The following JHY variants were observed in gnomAD, a reference collection of about 807,000 sequenced individuals.
JHY encodes jhy protein homolog.
In JHY, 69 loss-of-function variants were observed where a neutral mutation model predicts 78.0. The observed-to-expected ratio is 0.88, with a 90% CI of 0.73 to 1.08. The LOEUF is 1.08. Ranked by LOEUF, JHY falls within the 50% of genes least tolerant of loss-of-function variation. The pLI is 0.00. For synonymous variants in JHY, 368 were observed against 342.6 expected (o/e 1.07, Z -0.82); for missense variants, 944 against 927.8 (o/e 1.02, Z -0.23).
At chr11:122,934,019 G>A (rs1263289653) in intron 4 of JHY, among the ~76,000 whole-genome samples, 2 of 151,984 alleles carry the variant, frequency 1.3e-5, no homozygotes, top group African/African-American at 4.8e-5. Context: ...TTAATATAAA[G>A]CCCATTCTAA....
chr11:122,937,416 CAGACTTTGT>C lies in JHY; in HGVS notation c.1634+2346_1634+2354del, dbSNP rs1345432049. On this transcript the variant is annotated intron_variant, in intron 5 of 8. Transcript: ENST00000227349. The stretch of plus-strand genomic sequence containing the variant: ...TCAATTCTTCTCTCTTTCTTGGAGC[CAGACTTTGT>C]AGACACCTTTACTTTCTTTCTCTTT... 3.0e-4 allele frequency among the ~76,000 whole-genome samples: 46 copies of C among 152,234 alleles called. No individual in the cohort carries two copies. In the East Asian group the frequency reaches 8.7e-3, roughly 29 times the overall value.
At chr11:122,944,087 A>C (rs1187149771) in intron 5 of JHY, among the ~76,000 whole-genome samples, 1 of 152,086 alleles carries the variant, frequency 6.6e-6, no homozygotes, top group Non-Finnish European at 1.5e-5. Flanking sequence ...GTCACAACTA[A>C]TCAGGAGGCT....
rs1043075401 is a variant in JHY at position 122,905,530 on chromosome 11, A to C, written c.864+1086A>C. The C allele has an allele frequency of 2.7e-6, 3 of 1,107,520 alleles. No individual in the cohort carries two copies. In the African/African-American group the frequency reaches 4.9e-5, roughly 18 times the overall value. 68.6% of individuals were successfully genotyped at this position (1,107,520 alleles called of 1,614,324 possible). A position where few individuals can be genotyped will look rare whatever the true frequency, so the allele number is the denominator to read the frequency against. On this transcript the variant is annotated intron_variant, in intron 3 of 8. Transcript: ENST00000227349. ...TAATGGAACAAAATAGATGAGGTGG[A>C]TGAACATTTGTGGCTTTTCTTCAGA...
chr11:122,896,711 C>T (rs1444759838), intron 2 of JHY, among the ~76,000 whole-genome samples: 8 of 152,182 alleles, frequency 5.3e-5, no homozygotes, highest in Non-Finnish European at 7.3e-5. Context: ...TACACAACAA[C>T]GGTGTTATGT....
intron 8 of JHY, 141 bp downstream of exon 8, chr11:122,957,632 C>G: frequency 1.2e-6 from 1 of 853,096 alleles, no homozygotes; most frequent in Non-Finnish European, 1.6e-6. Context: ...TGGGCTCAAG[C>G]TATCCTCCAA....
In JHY at chr11:122,935,202, C is replaced by A. The variant is rs4502006; in HGVS notation, c.1634+127C>A. 0.35 allele frequency: 278,888 copies of A among 792,036 alleles called. 52,704 individuals carry two copies. Among genetic ancestry groups the A allele is most frequent in the Non-Finnish European group, 0.39 (206,245 of 527,294 alleles). 49.1% of individuals were successfully genotyped at this position (792,036 alleles called of 1,614,324 possible). ...TAGGTGAGAAGAAGAGTTCACCTAA[C>A]AACTTCCTTAGCTCTGATTCCTGCC... On this transcript the variant is annotated intron_variant, in intron 5 of 8. Transcript: ENST00000227349. The surrounding 1 kb of genome is among the most constrained non-coding windows in gnomAD (Gnocchi z 4.5).
Position 122,896,342 on chromosome 11 carries a change from CAAAAAA to C in JHY, c.345-7565_345-7560del, listed in dbSNP as rs11370911. 3.8e-3 allele frequency among the ~76,000 whole-genome samples: 282 copies of C among 73,416 alleles called. 5 individuals carry two copies. The highest frequency in any genetic ancestry group is 6.3e-3 in the Admixed American group (34 of 5,386). 48.2% of individuals were successfully genotyped at this position (73,416 alleles called of 152,430 possible). Reference sequence around the variant, plus strand: ...TGGGCGACAGAGGAAGACTCTGTCTCAAAAAAAAAAAAAAAAAAAAAAAGGAAATTT... The same window carrying C: ...TGGGCGACAGAGGAAGACTCTGTCTCAAAAAAAAAAAAAAAAAGGAAATTT... On this transcript the variant is annotated intron_variant, in intron 2 of 8. Coordinates refer to ENST00000227349, the MANE Select transcript of JHY (RefSeq NM_024806.4).
At chr11:122,956,994 T>C (rs923300015) in intron 7 of JHY, among the ~76,000 whole-genome samples, 23 of 152,132 alleles carry the variant, frequency 1.5e-4, no homozygotes, top group African/African-American at 4.3e-4. Context: ...TGAAAGGAGA[T>C]CTTCATTTAA....
At chr11:122,891,101 A>G (rs976090751) in intron 2 of JHY, among the ~76,000 whole-genome samples, 1 of 152,230 alleles carries the variant, frequency 6.6e-6, no homozygotes, top group Non-Finnish European at 1.5e-5. Flanking sequence ...GACTCTCAAT[A>G]TGAAATTCAA....
intron 2 of JHY, among the ~76,000 whole-genome samples, chr11:122,889,615 G>A (rs1433481110): frequency 6.6e-6 from 1 of 152,128 alleles, no homozygotes; most frequent in South Asian, 2.1e-4. Context: ...GGGAGTCCTG[G>A]AAACACTCCC....
At chr11:122,907,243 CTGA>C (rs1863010775) in intron 3 of JHY, among the ~76,000 whole-genome samples, 1 of 149,236 alleles carries the variant, frequency 6.7e-6, no homozygotes, top group South Asian at 2.1e-4. Flanking sequence ...GTAGCATAAA[CTGA>C]TGTGTTTTTT....
At chr11:122,913,842 A>G (rs992186247) in intron 3 of JHY, among the ~76,000 whole-genome samples, 1 of 152,200 alleles carries the variant, frequency 6.6e-6, no homozygotes, top group Non-Finnish European at 1.5e-5. Context: ...AGATCCTGGC[A>G]TACAGCAAGC....
intron 2 of JHY, among the ~76,000 whole-genome samples, chr11:122,888,612 C>T (rs1862546584): frequency 6.6e-6 from 1 of 151,942 alleles, no homozygotes; most frequent in Non-Finnish European, 1.5e-5. Context: ...ACCCTTACTG[C>T]CATATTTGTT....
At chr11:122,911,174 A>C (rs1349141258) in intron 3 of JHY, among the ~76,000 whole-genome samples, 1 of 152,214 alleles carries the variant, frequency 6.6e-6, no homozygotes, top group Non-Finnish European at 1.5e-5. Flanking sequence ...TGTTACTTTA[A>C]AGACTGATGA....
In JHY at chr11:122,883,632, T is replaced by G. The variant is rs1357428206; in HGVS notation, c.-90+660T>G. Among the ~76,000 whole-genome samples, 1 of 151,992 alleles carries G rather than the reference T, an allele frequency of 6.6e-6. No homozygotes were observed. On this transcript the variant is annotated intron_variant, in intron 1 of 8. Transcript: ENST00000227349. The surrounding 1 kb of genome is among the most constrained non-coding windows in gnomAD (Gnocchi z 4.4). ...GGAGGAGGGAGCCACATTCATGAAA[T>G]TTAAACGCCCACTTTCTAACTTATT...
chr11:122,917,636 C>G lies in JHY; in HGVS notation c.865-7261C>G, dbSNP rs1436871033. On this transcript the variant is annotated intron_variant, in intron 3 of 8. Transcript: ENST00000227349. This position sits in a 1 kb window ranked among gnomAD's most constrained non-coding sequence, Gnocchi z 4.1. ...AAACCCCTATGTTAAAATGTTAGGC[C>G]TTTCCTCTAAGTCATCTGAATTCAT... 6.6e-6 allele frequency among the ~76,000 whole-genome samples: 1 copy of G among 152,198 alleles called. No homozygotes were observed. Among genetic ancestry groups the G allele is most frequent in the Non-Finnish European group, 1.5e-5 (1 of 68,040 alleles).
At chr11:122,911,084 C>T (rs1269150555) in intron 3 of JHY, among the ~76,000 whole-genome samples, 2 of 152,122 alleles carry the variant, frequency 1.3e-5, no homozygotes, top group Non-Finnish European at 2.9e-5. Context: ...GAAACTCATT[C>T]CACTTTGAGT....
At chr11:122,939,518 C>T (rs1863828770) in intron 5 of JHY, among the ~76,000 whole-genome samples, 1 of 152,106 alleles carries the variant, frequency 6.6e-6, no homozygotes, top group Admixed American at 6.6e-5. Context: ...CTCTTTTCCC[C>T]CCATTTTGTT....
intron 6 of JHY, among the ~76,000 whole-genome samples, chr11:122,951,807 A>G (rs1864092303): frequency 6.6e-6 from 1 of 152,210 alleles, no homozygotes; most frequent in Non-Finnish European, 1.5e-5. Context: ...ACACCAGTGC[A>G]GAGGGGCTGG....
Sources: gnomAD v4.1 joint callset for allele counts (sites outside exome capture counted in the v4.1 genomes callset) on GRCh38, gnomAD v4.1.1 for gene constraint, Gnocchi (gnomAD v3.1) non-coding constraint, MANE v1.5 for transcripts, NCBI Gene and HGNC (gene_info 2026-07-23, HGNC 2026-07-21) for gene names.